The following CRTC3 variants were observed in gnomAD, a reference collection of about 807,000 sequenced individuals.
CRTC3 encodes the protein CREB-regulated transcription coactivator 3.
Under a neutral mutation model 74.5 loss-of-function variants are expected in CRTC3, and 26 were observed. The observed-to-expected ratio is 0.35, with a 90% CI of 0.26 to 0.48. The LOEUF is 0.48. Among genes scored for constraint, CRTC3 ranks in the 20% least tolerant of loss-of-function variants. The pLI is 0.99. For missense variants in CRTC3, 760 were observed against 787.3 expected (o/e 0.97, Z 0.41); for synonymous variants, 377 against 325.8 (o/e 1.16, Z -1.69).
intron 6 of CRTC3, among the ~76,000 whole-genome samples, chr15:90,609,405 C>G (rs562586808): frequency 6.6e-6 from 1 of 152,266 alleles, no homozygotes; most frequent in East Asian, 1.9e-4. Flanking sequence ...CTAAAAAAAG[C>G]AGAGGCTGTA....
intron 1 of CRTC3, among the ~76,000 whole-genome samples, chr15:90,538,809 A>G (rs1020240846): frequency 6.7e-6 from 1 of 148,428 alleles, no homozygotes; most frequent in African/African-American, 2.5e-5. Flanking sequence ...TAGTATGATC[A>G]TCGAGGGAAA....
chr15:90,570,889 A>G (rs1021074786), intron 2 of CRTC3, among the ~76,000 whole-genome samples: 6 of 150,830 alleles, frequency 4.0e-5, no homozygotes, highest in Non-Finnish European at 5.9e-5. Flanking sequence ...GTGCAGCAAA[A>G]TGTTCCCTGA....
chr15:90,604,147 T>G (rs2151082761), intron 4 of CRTC3: 2 of 454,542 alleles, frequency 4.4e-6, no homozygotes, highest in East Asian at 7.4e-5. Flanking sequence ...ATCCTGTGCC[T>G]TATGGGTTTG....
Position 90,541,405 on chromosome 15 carries a change from C to G in CRTC3, c.231+1268C>G, listed in dbSNP as rs1316789975. On this transcript the variant is annotated intron_variant, in intron 2 of 14. Coordinates refer to ENST00000268184, the MANE Select transcript of CRTC3 (RefSeq NM_022769.5). ...TTCCATTTGAGAGTGCTGATAGGAA[C>G]TCCAAATATAATGGTGATTAGAAAA... Among the ~76,000 whole-genome samples, 6 of 152,232 alleles carry G rather than the reference C, an allele frequency of 3.9e-5. No individual in the cohort carries two copies. The East Asian group carries it at 1.2e-3, about 29-fold the overall frequency.
At chr15:90,543,026 G>A (rs1449327108) in intron 2 of CRTC3, among the ~76,000 whole-genome samples, 1 of 151,990 alleles carries the variant, frequency 6.6e-6, no homozygotes, top group African/African-American at 2.4e-5. Context: ...ACCAGGCATG[G>A]TGGCTCACAC....
chr15:90,618,085 C>T (rs979823688), intron 8 of CRTC3, 117 bp downstream of exon 8: 2 of 646,674 alleles, frequency 3.1e-6, no homozygotes. Context: ...GAAGATTTGT[C>T]TGAGAACAGA....
chr15:90,640,643 T>C (rs909529657), intron 13 of CRTC3, among the ~76,000 whole-genome samples: 12 of 151,608 alleles, frequency 7.9e-5, no homozygotes, highest in African/African-American at 2.7e-4. Flanking sequence ...GATGGCGCCA[T>C]TGCACTCCAG....
At chr15:90,542,150 T>G (rs1355313601) in intron 2 of CRTC3, among the ~76,000 whole-genome samples, 3 of 151,672 alleles carry the variant, frequency 2.0e-5, no homozygotes, top group Admixed American at 2.0e-4. Flanking sequence ...AGTCACAAAC[T>G]TACACAATAC....
chr15:90,593,754 A>C lies in CRTC3; in HGVS notation c.350A>C (p.Gln117Pro). 1 of 1,599,534 alleles carries C rather than the reference A, an allele frequency of 6.3e-7. No individual in the cohort carries two copies. Residue 117 changes from glutamine to proline, a missense_variant and splice_region_variant, in exon 3 of 15, where the codon CAA becomes CCA. Around this residue, in one of 2 missense-constraint regions of CRTC3, gnomAD observed 652 missense variants for 635.2 expected, o/e 1.03. Coordinates refer to ENST00000268184, the MANE Select transcript of CRTC3 (RefSeq NM_022769.5). ...HRRSGDKPGR[Q>P]FDGSAFGANY... is the part of the protein sequence containing the mutation. ...AGGTCTGGGGACAAGCCAGGGCGAC[A>C]AATATCCTTTTTTACTCTTCAAAGG...
chr15:90,595,582 A>G (rs145569754), intron 3 of CRTC3: 1 of 152,024 alleles, frequency 6.6e-6, no homozygotes, highest in South Asian at 2.1e-4. Context: ...AAAAAAACCA[A>G]TGTATATTTT....
chr15:90,604,837 G>A, intron 5 of CRTC3, among the ~76,000 whole-genome samples: 1 of 152,220 alleles, frequency 6.6e-6, no homozygotes, highest in East Asian at 1.9e-4. Flanking sequence ...CAGACTCCAG[G>A]AGTAAGAGTT....
At chr15:90,633,874 T>C (rs1228937992) in intron 11 of CRTC3, among the ~76,000 whole-genome samples, 1 of 152,188 alleles carries the variant, frequency 6.6e-6, no homozygotes, top group African/African-American at 2.4e-5. Context: ...TCTGTTGAGT[T>C]TTCCATTTCT....
At chr15:90,545,769 G>A (rs1035913561) in intron 2 of CRTC3, among the ~76,000 whole-genome samples, 29 of 152,094 alleles carry the variant, frequency 1.9e-4, no homozygotes, top group South Asian at 1.5e-3. Flanking sequence ...TAGTAGAGAC[G>A]GGGTTTCACT....
intron 2 of CRTC3, among the ~76,000 whole-genome samples, chr15:90,552,438 C>T (rs1448446082): frequency 6.6e-6 from 1 of 152,232 alleles, no homozygotes; most frequent in Non-Finnish European, 1.5e-5. Context: ...AATTCTGTCT[C>T]TGTTTCTGTG....
At chr15:90,630,755 C>CTTTTTTTTTTTT (rs1290271902) in intron 11 of CRTC3, among the ~76,000 whole-genome samples, 1 of 37,490 alleles carries the variant, frequency 2.7e-5, no homozygotes, top group African/African-American at 7.7e-5. Flanking sequence ...ATTACAGCAT[C>CTTTTTTTTTTTT]ATTTTTTTTT....
At chr15:90,547,448 A>G (rs1442895231) in intron 2 of CRTC3, among the ~76,000 whole-genome samples, 1 of 152,230 alleles carries the variant, frequency 6.6e-6, no homozygotes. Flanking sequence ...GTACTATTTT[A>G]ATATACTAAA....
intron 2 of CRTC3, among the ~76,000 whole-genome samples, chr15:90,559,461 G>A (rs1186169155): frequency 1.3e-5 from 2 of 152,090 alleles, no homozygotes; most frequent in Admixed American, 6.5e-5. Context: ...GTCAATTACT[G>A]GTTGAATTAA....
In CRTC3 at chr15:90,606,584, T is replaced by TA. The variant is rs200829659; in HGVS notation, c.477-786dup. On this transcript the variant is annotated intron_variant, in intron 5 of 14. Coordinates refer to ENST00000268184, the MANE Select transcript of CRTC3 (RefSeq NM_022769.5). ...CTCAGAAAAAAATAATAAAATAAAA[T>TA]AAAAAAAATATTGAGGCCCTCAAAG... Among the ~76,000 whole-genome samples, 653 of 151,628 alleles carry TA rather than the reference T, an allele frequency of 4.3e-3. 5 individuals are homozygous for TA. The highest frequency in any genetic ancestry group is 0.014 in the African/African-American group (584 of 41,336).
intron 7 of CRTC3, among the ~76,000 whole-genome samples, chr15:90,616,118 G>A (rs28420859): frequency 0.013 from 1,943 of 152,126 alleles, 49 homozygotes; most frequent in African/African-American, 0.045. Context: ...ATTAAGTCAG[G>A]TAACATTTGA....
Sources: allele counts gnomAD v4.1 joint callset (sites outside exome capture counted in the v4.1 genomes callset), GRCh38; gene constraint gnomAD v4.1.1; regional missense constraint gnomAD v4.1.1; transcripts MANE v1.5; gene names NCBI Gene and HGNC (gene_info 2026-07-23, HGNC 2026-07-21).